WDR19: variants seen among roughly 807,000 people sequenced by gnomAD.
WDR19 encodes the protein WD repeat domain 19, also known as WD repeat-containing protein 19.
A neutral mutation model predicts 180.0 loss-of-function variants in WDR19; 121 were observed. That is an observed-to-expected ratio of 0.67 (90% CI 0.58 to 0.78). WDR19 has a LOEUF of 0.78. Ranked by LOEUF, WDR19 falls within the 30% of genes least tolerant of loss-of-function variation. The pLI is 0.00. For missense variants in WDR19, 1,450 were observed against 1,640.7 expected (o/e 0.88, Z 2.01); for synonymous variants, 497 against 540.7 (o/e 0.92, Z 1.12).
chr4:39,221,145 G>T (rs1379106290), intron 14 of WDR19, among the ~76,000 whole-genome samples: 5 of 152,056 alleles, frequency 3.3e-5, no homozygotes, highest in African/African-American at 4.8e-5. Flanking sequence ...AGTAAGGTAG[G>T]TCTCATATAT....
In WDR19 at chr4:39,277,260, C is replaced by T. The variant is rs551772140; in HGVS notation, c.3840+117C>T. Reference sequence around the variant, plus strand: ...AAAATAATCTTATCCCTCAAATTTCCTGCAACATCTAGCATTTTATTTCAT... The same window carrying T: ...AAAATAATCTTATCCCTCAAATTTCTTGCAACATCTAGCATTTTATTTCAT... On this transcript the variant is annotated intron_variant, in intron 34 of 36. Coordinates refer to ENST00000399820, the MANE Select transcript of WDR19 (RefSeq NM_025132.4). 6 of 1,163,908 alleles carry T rather than the reference C, an allele frequency of 5.2e-6. No homozygotes were observed. In the African/African-American group the frequency reaches 9.4e-5, roughly 18 times the overall value. The allele number at this position is 1,163,908 out of a possible 1,614,324, so 72.1% of individuals were successfully genotyped here. A position where few individuals can be genotyped will look rare whatever the true frequency, so the allele number is the denominator to read the frequency against.
At chr4:39,258,239 G>A (rs371196189) in intron 28 of WDR19, among the ~76,000 whole-genome samples, 1 of 151,798 alleles carries the variant, frequency 6.6e-6, no homozygotes, top group Non-Finnish European at 1.5e-5. Context: ...TGCAACCTCC[G>A]CCTTCCAGTT....
At chr4:39,283,489 G>T (rs1736791162) in intron 36 of WDR19, among the ~76,000 whole-genome samples, 2 of 150,942 alleles carry the variant, frequency 1.3e-5, no homozygotes, top group African/African-American at 4.9e-5. Flanking sequence ...AGTTCCTCTT[G>T]TCTTGCCTTC....
At chr4:39,234,900 C>G (rs1360623179) in intron 20 of WDR19, 25 bp downstream of exon 20, 2 of 1,432,038 alleles carry the variant, frequency 1.4e-6, no homozygotes, top group South Asian at 2.5e-5. Flanking sequence ...TTATACATTT[C>G]AGTCAGTAGC....
At chr4:39,267,666 C>T (rs1455573947) in intron 29 of WDR19, among the ~76,000 whole-genome samples, 1 of 152,184 alleles carries the variant, frequency 6.6e-6, no homozygotes, top group Non-Finnish European at 1.5e-5. Flanking sequence ...GGAATAGACT[C>T]AGATCCTGTG....
At position 39,240,955 on chromosome 4, in the gene WDR19, C is replaced by CAA. The variant is rs34831969; in HGVS notation, c.2421+637_2421+638dup. Among the ~76,000 whole-genome samples the CAA allele has an allele frequency of 9.4e-3, 1,092 of 115,592 alleles. 17 individuals carry two copies. Among genetic ancestry groups the CAA allele is most frequent in the Non-Finnish European group, 0.011 (658 of 58,162 alleles). The allele number at this position is 115,592 out of a possible 152,430, so 75.8% of individuals were successfully genotyped here. On this transcript the variant is annotated intron_variant, in intron 21 of 36. Coordinates refer to ENST00000399820, the MANE Select transcript of WDR19 (RefSeq NM_025132.4). ...TGGACGACAGAGCGAGACTCCATCT[C>CAA]AAAAAAAAAAAAAAAAAGTTTCAGT...
At chr4:39,189,216 G>T (rs558373492) in intron 3 of WDR19, among the ~76,000 whole-genome samples, 12 of 152,146 alleles carry the variant, frequency 7.9e-5, no homozygotes, top group Admixed American at 5.9e-4. Context: ...AAGCCACTGC[G>T]CCCAGCCACT....
chr4:39,191,259 A>G (rs1373952432), intron 4 of WDR19, among the ~76,000 whole-genome samples: 1 of 152,192 alleles, frequency 6.6e-6, no homozygotes, highest in Non-Finnish European at 1.5e-5. Context: ...GCTAGTTATT[A>G]AACAAAACTT....
chr4:39,257,740 C>T (rs941353713), intron 28 of WDR19, among the ~76,000 whole-genome samples, 186 bp downstream of exon 28: 3 of 151,832 alleles, frequency 2.0e-5, no homozygotes, highest in East Asian at 1.9e-4. Flanking sequence ...CCTCTTTCCC[C>T]GGTTTTTTTT....
chr4:39,261,996 G>A (rs74770244), intron 28 of WDR19, among the ~76,000 whole-genome samples: 2,151 of 152,098 alleles, frequency 0.014, 22 homozygotes, highest in South Asian at 0.026. Flanking sequence ...ACCTATAGTG[G>A]CTCCCCATTG....
intron 5 of WDR19, among the ~76,000 whole-genome samples, chr4:39,197,438 A>G (rs890057226): frequency 3.4e-4 from 52 of 151,756 alleles, no homozygotes; most frequent in South Asian, 4.1e-4. Context: ...AAAAAAAAAA[A>G]AAAAAAAGAA....
chr4:39,247,496 C>G (rs1187715206), intron 24 of WDR19, among the ~76,000 whole-genome samples: 2 of 152,194 alleles, frequency 1.3e-5, no homozygotes, highest in African/African-American at 2.4e-5. Context: ...CTGAACAAAG[C>G]TGGACAGAGA....
rs527709762 is a variant in WDR19, at chr4:39,205,577, G to A, written c.731G>A (p.Arg244His). The A allele has an allele frequency of 1.4e-5, 22 of 1,612,574 alleles. No individual in the cohort carries two copies. Among genetic ancestry groups the A allele is most frequent in the Middle Eastern group, 1.6e-4 (1 of 6,078 alleles). ...IVCYNWYGDGRIMIGFSCGHF... is the reference protein window; with the variant it reads ...IVCYNWYGDGHIMIGFSCGHF... ...CTTTGCTATAGGTATGGTGATGGCC[G>A]CATCATGATTGGTTTTTCATGTGGA... The change falls in exon 9 of 37, where the codon CGC becomes CAC. Residue 244 changes from arginine (R) to histidine (H), a missense_variant. Transcript: ENST00000399820.
intron 1 of WDR19, among the ~76,000 whole-genome samples, chr4:39,185,127 A>G (rs2109738896): frequency 6.6e-6 from 1 of 152,330 alleles, no homozygotes; most frequent in Admixed American, 6.5e-5. Context: ...CTCAATAGCT[A>G]CATGTGGTTT....
rs572973145 is a variant in WDR19, at chr4:39,236,276, T to TAC, written c.2363+1419_2363+1420dup. On this transcript the variant is annotated intron_variant, in intron 20 of 36. Transcript: ENST00000399820. ...AGCACTGGAGAAAGAAAATGTGGTA[T>TAC]ACACACACACACACACACAGACACA... Among the ~76,000 whole-genome samples, 839 of 150,100 alleles carry TAC rather than the reference T, an allele frequency of 5.6e-3. 9 individuals are homozygous for TAC. Among genetic ancestry groups the TAC allele is most frequent in the East Asian group, 0.045 (229 of 5,134 alleles).
Position 39,194,729 on chromosome 4 carries a change from G to C in WDR19, c.406+70G>C, listed in dbSNP as rs1577843366. 3.3e-6 allele frequency: 4 copies of C among 1,224,668 alleles called. No individual in the cohort carries two copies. In the East Asian group the frequency reaches 1.0e-4, roughly 31 times the overall value. The allele number at this position is 1,224,668 out of a possible 1,614,324, so 75.9% of individuals were successfully genotyped here. ...CCTCAATGTAAATTCTGCCGCCTCAGGTTTCCCTGATCTTGCAATGGAAAT... is the reference window on the plus strand; with the variant it reads ...CCTCAATGTAAATTCTGCCGCCTCACGTTTCCCTGATCTTGCAATGGAAAT... On this transcript the variant is annotated intron_variant, in intron 5 of 36. Transcript: ENST00000399820.
intron 4 of WDR19, 55 bp downstream of exon 4, chr4:39,189,836 G>T (rs1725969855): frequency 6.5e-7 from 1 of 1,532,078 alleles, no homozygotes; most frequent in Non-Finnish European, 8.7e-7. Context: ...AATATTTGTA[G>T]GTTTGGTGCT....
chr4:39,185,898 TGTTG>T, intron 2 of WDR19, 81 bp downstream of exon 2: 1 of 1,161,924 alleles, frequency 8.6e-7, no homozygotes, highest in Non-Finnish European at 1.2e-6. Context: ...TTTTTTTTGT[TGTTG>T]TTTTTTTTTT....
intron 20 of WDR19, among the ~76,000 whole-genome samples, chr4:39,239,279 G>A (rs1731674171): frequency 6.6e-6 from 1 of 151,890 alleles, no homozygotes; most frequent in African/African-American, 2.4e-5. Flanking sequence ...CCTGGCCCGG[G>A]AATATTATTT....
Sources: allele counts gnomAD v4.1 joint callset (sites outside exome capture counted in the v4.1 genomes callset), GRCh38; gene constraint gnomAD v4.1.1; transcripts MANE v1.5; gene names NCBI Gene and HGNC (gene_info 2026-07-23, HGNC 2026-07-21).